GRIK1: variants seen among roughly 807,000 people sequenced by gnomAD.
GRIK1 encodes glutamate receptor ionotropic, kainate 1.
Under a neutral mutation model 105.7 loss-of-function variants are expected in GRIK1, and 69 were observed. The ratio of observed to expected loss-of-function variants is 0.65; its 90% CI spans 0.54 to 0.80. The LOEUF is 0.80. Ranked by LOEUF, GRIK1 falls within the 30% of genes least tolerant of loss-of-function variation. The pLI, the probability that GRIK1 is intolerant of heterozygous loss-of-function variation, is 0.00. For synonymous variants in GRIK1, 438 were observed against 431.3 expected (o/e 1.02, Z -0.19); for missense variants, 1,109 against 1,167.3 (o/e 0.95, Z 0.73).
intron 1 of GRIK1, among the ~76,000 whole-genome samples, chr21:29,736,522 C>T (rs771866424): frequency 1.8e-4 from 28 of 152,104 alleles, no homozygotes; most frequent in South Asian, 8.3e-4. Context: ...AGCCACTGTA[C>T]CTGGTCCTGA....
intron 1 of GRIK1, among the ~76,000 whole-genome samples, chr21:29,909,985 C>T (rs918785243): frequency 3.3e-5 from 5 of 152,080 alleles, no homozygotes; most frequent in Admixed American, 1.3e-4. Context: ...TCTGAATATG[C>T]TCTCAAGAAG....
At chr21:29,913,029 G>A (rs1253299700) in intron 1 of GRIK1, among the ~76,000 whole-genome samples, 1 of 152,044 alleles carries the variant, frequency 6.6e-6, no homozygotes, top group Non-Finnish European at 1.5e-5. Context: ...TGCCATGGGT[G>A]TTTAATAAGA....
intron 1 of GRIK1, among the ~76,000 whole-genome samples, chr21:29,756,249 C>T (rs1399811476): frequency 6.6e-6 from 1 of 151,876 alleles, no homozygotes; most frequent in Admixed American, 6.6e-5. Flanking sequence ...GGTGTAGTGG[C>T]GGGCGCCTGC....
intron 1 of GRIK1, among the ~76,000 whole-genome samples, chr21:29,900,458 G>GAAAAAAAAAAAA (rs2070353501): frequency 1.4e-5 from 1 of 70,948 alleles, no homozygotes; most frequent in Non-Finnish European, 2.5e-5. Context: ...CAAATGGAAA[G>GAAAAAAAAAAAA]CAAGAAAAAA....
At chr21:29,708,742 C>T (rs1437919405) in intron 1 of GRIK1, among the ~76,000 whole-genome samples, 1 of 152,228 alleles carries the variant, frequency 6.6e-6, no homozygotes, top group African/African-American at 2.4e-5. Flanking sequence ...AGACTCACTA[C>T]AGCCATTTCA....
intron 7 of GRIK1, among the ~76,000 whole-genome samples, chr21:29,600,590 C>T (rs755019514): frequency 6.6e-6 from 1 of 152,184 alleles, no homozygotes; most frequent in Non-Finnish European, 1.5e-5. Context: ...TGAAGAATTA[C>T]ACTGTATTTG....
chr21:29,701,399 A>T (rs760174345), intron 1 of GRIK1, among the ~76,000 whole-genome samples: 1 of 152,132 alleles, frequency 6.6e-6, no homozygotes, highest in Non-Finnish European at 1.5e-5. Flanking sequence ...CAGCCAGGGG[A>T]AATATAATGT....
chr21:29,739,228 A>G (rs571306503), intron 1 of GRIK1, among the ~76,000 whole-genome samples: 97 of 152,336 alleles, frequency 6.4e-4, no homozygotes, highest in African/African-American at 2.1e-3. Flanking sequence ...AGGATGGTCC[A>G]GGTAGGTCTC....
At chr21:29,898,152 C>G (rs139907825) in intron 1 of GRIK1, among the ~76,000 whole-genome samples, 2 of 152,298 alleles carry the variant, frequency 1.3e-5, no homozygotes, top group Non-Finnish European at 2.9e-5. Flanking sequence ...GAATTTTCCC[C>G]TTTTCTTTCC....
intron 6 of GRIK1, among the ~76,000 whole-genome samples, chr21:29,647,325 G>T (rs1183663903): frequency 2.0e-5 from 3 of 152,150 alleles, no homozygotes; most frequent in African/African-American, 7.2e-5. Context: ...GACTTGTTCA[G>T]GTCACTTAGT....
intron 14 of GRIK1, among the ~76,000 whole-genome samples, chr21:29,563,280 G>A (rs1261052350): frequency 6.6e-6 from 1 of 152,156 alleles, no homozygotes; most frequent in Non-Finnish European, 1.5e-5. Flanking sequence ...AGGTGTTCCT[G>A]GGGGCCACTC....
chr21:29,787,795 C>G (rs745479295), intron 1 of GRIK1, among the ~76,000 whole-genome samples: 7 of 152,164 alleles, frequency 4.6e-5, no homozygotes, highest in Non-Finnish European at 1.0e-4. Context: ...ATTTATCAAT[C>G]TTGCTAGTGA....
intron 7 of GRIK1, among the ~76,000 whole-genome samples, chr21:29,642,570 T>C (rs1488214290): frequency 2.0e-5 from 3 of 152,236 alleles, no homozygotes; most frequent in South Asian, 2.1e-4. Context: ...GCAGGAGCTA[T>C]GGCCATGGCT....
rs184678393 is a variant in GRIK1, at chr21:29,644,059, G to C, written c.955-1090C>G. Reference sequence around the variant, plus strand: ...CTAATCATTTTCAGAGTTAAACCTAGAATCTAGGTCATAGAATGAAAATTA... The same window carrying C: ...CTAATCATTTTCAGAGTTAAACCTACAATCTAGGTCATAGAATGAAAATTA... On this transcript the variant is annotated intron_variant, in intron 6 of 17. Transcript: ENST00000327783. Among the ~76,000 whole-genome samples the C allele has an allele frequency of 3.0e-4, 46 of 152,058 alleles. 2 individuals carry two copies. The highest frequency in any genetic ancestry group is 1.1e-3 in the African/African-American group (45 of 41,464).
chr21:29,574,832 C>T (rs1265977630), intron 14 of GRIK1, among the ~76,000 whole-genome samples: 1 of 151,626 alleles, frequency 6.6e-6, no homozygotes, highest in African/African-American at 2.4e-5. Context: ...GGACTACAGG[C>T]GCCCGCCATC....
intron 7 of GRIK1, chr21:29,630,393 T>C: frequency 2.5e-6 from 1 of 407,768 alleles, no homozygotes; most frequent in Non-Finnish European, 5.0e-6. Flanking sequence ...AGGAATGTTT[T>C]GCGATGCAAT....
At chr21:29,848,234 TC>T (rs1431791015) in intron 1 of GRIK1, among the ~76,000 whole-genome samples, 1 of 152,062 alleles carries the variant, frequency 6.6e-6, no homozygotes, top group Non-Finnish European at 1.5e-5. Flanking sequence ...TCTCTTTCTG[TC>T]CCCGCCAATG....
intron 1 of GRIK1, among the ~76,000 whole-genome samples, chr21:29,934,400 G>A (rs866375680): frequency 1.3e-5 from 2 of 152,126 alleles, no homozygotes; most frequent in African/African-American, 2.4e-5. Context: ...ACATGTTAAC[G>A]TTAGTCAGGC....
At chr21:29,784,215 G>T (rs2066200128) in intron 1 of GRIK1, among the ~76,000 whole-genome samples, 1 of 152,170 alleles carries the variant, frequency 6.6e-6, no homozygotes, top group Admixed American at 6.5e-5. Context: ...TCACGTTGAT[G>T]GATGTTTAAG....
Sources: gnomAD v4.1 joint callset for allele counts (sites outside exome capture counted in the v4.1 genomes callset) on GRCh38, gnomAD v4.1.1 for gene constraint, MANE v1.5 for transcripts, NCBI Gene and HGNC (gene_info 2026-07-23, HGNC 2026-07-21) for gene names.